Variants in ATR observed in about 807,000 individuals in gnomAD.
ATR encodes the protein serine/threonine-protein kinase ATR.
ATR carries 142 observed loss-of-function variants against 305.3 expected under a neutral mutation model. The observed-to-expected ratio is 0.47, with a 90% CI of 0.41 to 0.53. ATR has a LOEUF of 0.53. ATR is among the 20% of genes least tolerant of loss of function. ATR has a pLI of 0.00. For missense variants in ATR, 2,135 were observed against 3,133.1 expected, an observed-to-expected ratio of 0.68 and a Z score of 7.60; for synonymous variants, 1,050 against 1,068.1, an observed-to-expected ratio of 0.98 and a Z score of 0.33.
intron 1 of ATR, among the ~76,000 whole-genome samples, chr3:142,569,205 T>C (rs1352695534): frequency 1.3e-5 from 2 of 152,222 alleles, no homozygotes; most frequent in Non-Finnish European, 2.9e-5. Flanking sequence ...GGAACGCTAA[T>C]ACCCTTTTCC....
intron 40 of ATR, 42 bp downstream of exon 40, chr3:142,466,281 CA>C (rs2071128289): frequency 6.4e-7 from 1 of 1,560,606 alleles, no homozygotes; most frequent in Admixed American, 1.7e-5. Context: ...AAGTTTTTAA[CA>C]ACTAAATTTT....
At position 142,485,121 on chromosome 3, in the gene ATR, A is replaced by T. The variant is rs2108310629; in HGVS notation, c.6221+19T>A. 6.2e-7 allele frequency: 1 copy of T among 1,613,824 alleles called. No individual in the cohort carries two copies. Among genetic ancestry groups the T allele is most frequent in the Non-Finnish European group, 8.5e-7 (1 of 1,179,660 alleles). Reference sequence around the variant, plus strand: ...ATCCTTACATATTTAATCTGCAAACATGCAGTTCTCATACTCACCTGCCAA... The same window carrying T: ...ATCCTTACATATTTAATCTGCAAACTTGCAGTTCTCATACTCACCTGCCAA... On this transcript the variant is annotated intron_variant, in intron 36 of 46. Transcript: ENST00000350721.
chr3:142,566,364 A>G (rs986525766), intron 2 of ATR, 103 bp from the exon 3 acceptor site: 1 of 1,298,708 alleles, frequency 7.7e-7, no homozygotes, highest in Non-Finnish European at 1.1e-6. Flanking sequence ...CACTCCTGTA[A>G]CCCCTGTACT....
intron 13 of ATR, among the ~76,000 whole-genome samples, chr3:142,552,122 A>G (rs2034492840): frequency 6.6e-6 from 1 of 152,172 alleles, no homozygotes. Flanking sequence ...AATGGCTATT[A>G]TTAAAAAGTC....
chr3:142,478,968 T>C (rs2030184895), intron 36 of ATR, among the ~76,000 whole-genome samples: 1 of 152,226 alleles, frequency 6.6e-6, no homozygotes, highest in African/African-American at 2.4e-5. Context: ...CCTTTTATTT[T>C]GAGCCTATGT....
At chr3:142,523,944 C>A in intron 22 of ATR, 49 bp downstream of exon 22, 2 of 1,562,418 alleles carry the variant, frequency 1.3e-6, no homozygotes, top group Non-Finnish European at 1.8e-6. Flanking sequence ...ATATATAAAC[C>A]TCAATAGGAC....
At position 142,469,517 on chromosome 3, in the gene ATR, C is replaced by T. The variant is rs760960558; in HGVS notation, c.6372G>A (p.Lys2124=). The T allele has an allele frequency of 6.2e-7, 1 of 1,613,810 alleles. No individual in the cohort carries two copies. Among genetic ancestry groups the T allele is most frequent in the East Asian group, 2.2e-5 (1 of 44,854 alleles). The change falls in exon 38 of 47, where the codon AAG becomes AAA. Residue 2124 remains lysine (K), a synonymous_variant. Transcript: ENST00000350721. Reference sequence around the variant, plus strand: ...AATAGTTTGTATGCTCTGTGATAACCTTGTTTATTTTACCCAAATCATTCC... The same window carrying T: ...AATAGTTTGTATGCTCTGTGATAACTTTGTTTATTTTACCCAAATCATTCC... ...QMRNDLGKIN[K]VITEHTNYLA...
chr3:142,473,051 C>T (rs1049772506), intron 36 of ATR, among the ~76,000 whole-genome samples: 14 of 152,156 alleles, frequency 9.2e-5, no homozygotes, highest in Non-Finnish European at 1.3e-4. Flanking sequence ...TATAGGTTGT[C>T]TTTTCACTCT....
chr3:142,479,062 T>C (rs2030197249), intron 36 of ATR, among the ~76,000 whole-genome samples: 3 of 152,244 alleles, frequency 2.0e-5, no homozygotes, highest in Admixed American at 6.5e-5. Flanking sequence ...CTGTGTCTTT[T>C]AACTGGAGCA....
intron 26 of ATR, 43 bp downstream of exon 26, chr3:142,513,458 A>G (rs1218709763): frequency 6.2e-7 from 1 of 1,601,544 alleles, no homozygotes; most frequent in Admixed American, 1.7e-5. Flanking sequence ...TGGAGAAAGT[A>G]AGTTTCACAT....
In ATR at chr3:142,470,115, T is replaced by A; in HGVS notation, c.6290A>T (p.Tyr2097Phe). The A allele has an allele frequency of 6.2e-7, 1 of 1,610,684 alleles. No homozygotes were observed. The highest frequency in any genetic ancestry group is 8.5e-7 in the Non-Finnish European group (1 of 1,177,766). Reference sequence around the variant, plus strand: ...TTCCCATTCATATGCCTTTGTACCATAATCAAGCCATAGAGTTAACATTCG... The same window carrying A: ...TTCCCATTCATATGCCTTTGTACCAAAATCAAGCCATAGAGTTAACATTCG... ...MPRMLTLWLD[Y>F]GTKAYEWEKA... Residue 2097 changes from tyrosine to phenylalanine, a missense_variant, in exon 37 of 47, where the codon TAT becomes TTT. Physicochemically the swap from Tyr to Phe is conservative, Grantham distance 22 (BLOSUM62 3). Coordinates refer to ENST00000350721, the MANE Select transcript of ATR (RefSeq NM_001184.4).
At chr3:142,512,591 G>T in intron 26 of ATR, 121 bp from the exon 27 acceptor site, 4 of 799,170 alleles carry the variant, frequency 5.0e-6, no homozygotes, top group South Asian at 2.6e-5. Flanking sequence ...AATTGGCCAG[G>T]CATGTTGGCC....
intron 36 of ATR, among the ~76,000 whole-genome samples, chr3:142,480,842 T>A (rs1004644928): frequency 6.6e-6 from 1 of 152,238 alleles, no homozygotes; most frequent in African/African-American, 2.4e-5. Flanking sequence ...CAGACTGCTA[T>A]GCTAGCAATG....
intron 13 of ATR, among the ~76,000 whole-genome samples, chr3:142,552,032 A>T (rs1343531597): frequency 6.6e-6 from 1 of 152,218 alleles, no homozygotes; most frequent in African/African-American, 2.4e-5. Flanking sequence ...GAAGACATAC[A>T]TGCAGCCAGC....
Position 142,559,459 on chromosome 3 carries a change from T to C in ATR, c.1542-18A>G. ...AAGTACGGCTGCAGTAAGTACATTT[T>C]GTTAAAAACATTGGAATTAAGATGA... On this transcript the variant is annotated intron_variant, in intron 6 of 46. Coordinates refer to ENST00000350721, the MANE Select transcript of ATR (RefSeq NM_001184.4). 6.2e-7 allele frequency: 1 copy of C among 1,608,604 alleles called. No individual in the cohort carries two copies. The highest frequency in any genetic ancestry group is 1.1e-5 in the South Asian group (1 of 90,826).
chr3:142,505,343 A>G, intron 28 of ATR, 40 bp from the exon 29 acceptor site: 1 of 1,605,944 alleles, frequency 6.2e-7, no homozygotes, highest in Non-Finnish European at 8.5e-7. Flanking sequence ...AACAAGAAAA[A>G]AACACAACTG....
chr3:142,512,170 A>T (rs2032606544), intron 27 of ATR, 90 bp downstream of exon 27: 2 of 1,114,326 alleles, frequency 1.8e-6, no homozygotes, highest in Non-Finnish European at 2.6e-6. Flanking sequence ...TTTTTAAGCT[A>T]GTGCTTAAAT....
chr3:142,574,366 G>A (rs2035368932), intron 1 of ATR, among the ~76,000 whole-genome samples: 1 of 151,444 alleles, frequency 6.6e-6, no homozygotes, highest in South Asian at 2.1e-4. Flanking sequence ...GGAGGCTGAG[G>A]TGGGAGGATC....
intron 36 of ATR, among the ~76,000 whole-genome samples, chr3:142,477,631 C>T (rs914981507): frequency 7.9e-5 from 12 of 152,232 alleles, no homozygotes; most frequent in African/African-American, 2.9e-4. Flanking sequence ...AGGACTCCCT[C>T]TTTCTCTATT....
Sources: allele counts gnomAD v4.1 joint callset (sites outside exome capture counted in the v4.1 genomes callset), GRCh38; gene constraint gnomAD v4.1.1; transcripts MANE v1.5; gene names NCBI Gene and HGNC (gene_info 2026-07-23, HGNC 2026-07-21).